PACS2: variants seen among roughly 807,000 people sequenced by gnomAD.
PACS2 encodes the protein PACS1-like protein.
A neutral mutation model predicts 113.0 loss-of-function variants in PACS2; 36 were observed. The observed-to-expected ratio is 0.32, with a 90% CI of 0.24 to 0.42. The LOEUF is 0.42. Among genes scored for constraint, PACS2 ranks in the 10% least tolerant of loss-of-function variants. The probability of loss-of-function intolerance (pLI) is 1.00; values close to 1 mark genes in which losing one functional copy is unlikely to be tolerated. For synonymous variants in PACS2, 589 were observed against 536.1 expected, an observed-to-expected ratio of 1.10 and a Z score of -1.36; for missense variants, 1,015 against 1,239.5, an observed-to-expected ratio of 0.82 and a Z score of 2.72.
intron 19 of PACS2, among the ~76,000 whole-genome samples, chr14:105,386,398 G>A (rs2081177495): frequency 1.3e-5 from 2 of 152,138 alleles, no homozygotes; most frequent in Non-Finnish European, 2.9e-5. Flanking sequence ...TGGCTTACCT[G>A]GAGACGGGGC....
In PACS2 at chr14:105,323,286, T is replaced by C. The variant is rs149403685; in HGVS notation, c.119+8249T>C. 4.5e-3 allele frequency among the ~76,000 whole-genome samples: 681 copies of C among 152,346 alleles called. 9 individuals are homozygous for C. Among genetic ancestry groups the C allele is most frequent in the African/African-American group, 0.015 (624 of 41,576 alleles). On this transcript the variant is annotated intron_variant, in intron 1 of 24. Coordinates refer to ENST00000447393, the MANE Select transcript of PACS2 (RefSeq NM_001100913.3). This position sits in a 1 kb window ranked among gnomAD's most constrained non-coding sequence, Gnocchi z 4.1. Reference sequence around the variant, plus strand: ...GGAGCAACAATTGGACGTGTTGCTCTTCCTGCCGGATCCTCCACATCCATA... The same window carrying C: ...GGAGCAACAATTGGACGTGTTGCTCCTCCTGCCGGATCCTCCACATCCATA...
chr14:105,373,927 G>A (rs1293892440), intron 8 of PACS2, among the ~76,000 whole-genome samples: 2 of 151,996 alleles, frequency 1.3e-5, no homozygotes, highest in Admixed American at 6.6e-5. Context: ...CAAGTGACCC[G>A]GATCACTTGA....
intron 1 of PACS2, among the ~76,000 whole-genome samples, chr14:105,331,490 C>T (rs2059300491): frequency 1.3e-5 from 2 of 152,192 alleles, no homozygotes; most frequent in South Asian, 4.1e-4. Flanking sequence ...GATCATAGCT[C>T]CCTGCAGCCT....
At position 105,315,045 on chromosome 14, in the gene PACS2, C is replaced by G; in HGVS notation, c.119+8C>G. ...CCCCAGCTGCGTGCCCAGGTACGCGCCGCCCGCCGCGCTTTGTTCCCGCCG... is the reference window on the plus strand; with the variant it reads ...CCCCAGCTGCGTGCCCAGGTACGCGGCGCCCGCCGCGCTTTGTTCCCGCCG... On this transcript the variant is annotated splice_region_variant and intron_variant, in intron 1 of 24. Transcript: ENST00000447393. The surrounding 1 kb of genome is among the most constrained non-coding windows in gnomAD (Gnocchi z 4.4). 1 of 1,173,250 alleles carries G rather than the reference C, an allele frequency of 8.5e-7. No homozygotes were observed. The highest frequency in any genetic ancestry group is 1.1e-6 in the Non-Finnish European group (1 of 940,636). The allele number at this position is 1,173,250 out of a possible 1,614,324, so 72.7% of individuals were successfully genotyped here.
At chr14:105,304,053 T>C (rs1367764599) in intron 1 of PACS2, among the ~76,000 whole-genome samples, 5 of 152,206 alleles carry the variant, frequency 3.3e-5, no homozygotes, top group African/African-American at 4.8e-5. Context: ...GTGAGGTGCC[T>C]GCAGGTGCAA....
intron 1 of PACS2, among the ~76,000 whole-genome samples, chr14:105,302,253 G>C (rs1776885058): frequency 6.7e-6 from 1 of 150,292 alleles, no homozygotes. Context: ...GCCCAGGCTG[G>C]AGTGCAGTGG....
chr14:105,374,314 C>G (rs1194679336), intron 8 of PACS2, among the ~76,000 whole-genome samples: 94 of 152,282 alleles, frequency 6.2e-4, no homozygotes, highest in South Asian at 2.1e-4. Flanking sequence ...GTAAGTTTTT[C>G]TGGACCACAG....
chr14:105,394,895 G>A lies in PACS2; in HGVS notation c.*223G>A, dbSNP rs2081491440. ...CGAACGTTCGGCCCGGGGCTGGGAA[G>A]CCAGAAGGACGATGCTGAGCCATGG... On this transcript the variant is annotated 3_prime_UTR_variant, in exon 25 of 25. Coordinates refer to ENST00000447393, the MANE Select transcript of PACS2 (RefSeq NM_001100913.3). 7.6e-6 allele frequency: 4 copies of A among 526,438 alleles called. No individual in the cohort carries two copies. Among genetic ancestry groups the A allele is most frequent in the Non-Finnish European group, 1.0e-5 (3 of 289,456 alleles). 32.6% of individuals were successfully genotyped at this position (526,438 alleles called of 1,614,324 possible).
In PACS2 at chr14:105,323,460, G is replaced by C. The variant is rs1371719446; in HGVS notation, c.119+8423G>C. Among the ~76,000 whole-genome samples, 1 of 152,236 alleles carries C rather than the reference G, an allele frequency of 6.6e-6. No homozygotes were observed. The highest frequency in any genetic ancestry group is 1.5e-5 in the Non-Finnish European group (1 of 68,044). On this transcript the variant is annotated intron_variant, in intron 1 of 24. Transcript: ENST00000447393. This position sits in a 1 kb window ranked among gnomAD's most constrained non-coding sequence, Gnocchi z 4.1. ...TGCCAGCCTGCACGAGACTCTCACG[G>C]CGGGACCCTGTCTGCCTTGCTCGGT...
chr14:105,359,899 G>T (rs2060612923), intron 4 of PACS2, among the ~76,000 whole-genome samples: 1 of 152,090 alleles, frequency 6.6e-6, no homozygotes, highest in Admixed American at 6.5e-5. Context: ...CCAAGTGTTG[G>T]TATTTCAAGC....
At chr14:105,332,122 C>G (rs1350792345) in intron 1 of PACS2, among the ~76,000 whole-genome samples, 3 of 152,248 alleles carry the variant, frequency 2.0e-5, no homozygotes, top group Non-Finnish European at 4.4e-5. Flanking sequence ...TGAATATGAG[C>G]ATCTCTCTTC....
Position 105,385,666 on chromosome 14 carries a change from T to A in PACS2, c.2001-19T>A. The A allele has an allele frequency of 6.6e-7, 1 of 1,516,950 alleles. No individual in the cohort carries two copies. The allele number at this position is 1,516,950 out of a possible 1,614,324, so 94.0% of individuals were successfully genotyped here. Reference sequence around the variant, plus strand: ...CGTCGTAACGTGTCTGTTTTCTCTTTTGGTGGCTTTCTGAAAAGGAAAAAG... The same window carrying A: ...CGTCGTAACGTGTCTGTTTTCTCTTATGGTGGCTTTCTGAAAAGGAAAAAG... On this transcript the variant is annotated intron_variant, in intron 18 of 24. Coordinates refer to ENST00000447393, the MANE Select transcript of PACS2 (RefSeq NM_001100913.3).
intron 20 of PACS2, 101 bp from the exon 21 acceptor site, chr14:105,391,106 T>C: frequency 1.2e-6 from 1 of 846,912 alleles, no homozygotes; most frequent in East Asian, 2.4e-5. Flanking sequence ...TCCAGCATCA[T>C]GGGAGTGGTG....
Position 105,314,976 on chromosome 14 carries a change from G to A in PACS2, c.58G>A (p.Val20Met), listed in dbSNP as rs2058502984. ...PGAPGALNTPVPMNLFATWEV... is the reference protein window; with the variant it reads ...PGAPGALNTPMPMNLFATWEV... ...CGCGCCCGGCGCGCTCAACACGCCCGTGCCCATGAACCTGTTCGCCACCTG... is the reference window on the plus strand; with the variant it reads ...CGCGCCCGGCGCGCTCAACACGCCCATGCCCATGAACCTGTTCGCCACCTG... The change falls in exon 1 of 25, where the codon GTG becomes ATG. Residue 20 changes from valine to methionine, a missense_variant. Val to Met is a conservative substitution (Grantham distance 21). Coordinates refer to ENST00000447393, the MANE Select transcript of PACS2 (RefSeq NM_001100913.3). The A allele has an allele frequency of 5.6e-6, 7 of 1,242,934 alleles. No homozygotes were observed. The highest frequency in any genetic ancestry group is 1.6e-5 in the African/African-American group (1 of 62,168). 77.0% of individuals were successfully genotyped at this position (1,242,934 alleles called of 1,614,324 possible). A position where few individuals can be genotyped will look rare whatever the true frequency, so the allele number is the denominator to read the frequency against.
upstream of PACS2, among the ~76,000 whole-genome samples, chr14:105,312,900 C>T (rs2058383465): frequency 2.6e-5 from 4 of 152,198 alleles, no homozygotes; most frequent in South Asian, 2.1e-4. Flanking sequence ...ACGGGTTCTT[C>T]GGGCCACTCT....
intron 4 of PACS2, among the ~76,000 whole-genome samples, chr14:105,362,333 G>A (rs1267137365): frequency 6.6e-6 from 1 of 150,812 alleles, no homozygotes; most frequent in Non-Finnish European, 1.5e-5. Context: ...CAGGAGAATG[G>A]TGTGAACCTG....
intron 1 of PACS2, among the ~76,000 whole-genome samples, chr14:105,344,073 G>A (rs956282006): frequency 1.3e-5 from 2 of 151,092 alleles, no homozygotes; most frequent in South Asian, 2.1e-4. Context: ...GTGTGCTGCC[G>A]TACTTGGCTA....
intron 6 of PACS2, 149 bp from the exon 7 acceptor site, chr14:105,368,310 C>T (rs1027529971): frequency 3.7e-6 from 3 of 804,960 alleles, no homozygotes; most frequent in Admixed American, 2.3e-5. Flanking sequence ...CCCAGGGGCC[C>T]GAGTTTATGC....
At chr14:105,350,839 G>A (rs2060144693) in intron 2 of PACS2, among the ~76,000 whole-genome samples, 3 of 152,240 alleles carry the variant, frequency 2.0e-5, no homozygotes, top group African/African-American at 7.2e-5. Context: ...GAGGAGCAGG[G>A]AGAGTCCAGA....
Sources: allele counts gnomAD v4.1 joint callset (sites outside exome capture counted in the v4.1 genomes callset), GRCh38; gene constraint gnomAD v4.1.1; non-coding constraint Gnocchi (gnomAD v3.1); transcripts MANE v1.5; gene names NCBI Gene and HGNC (gene_info 2026-07-23, HGNC 2026-07-21).